The following GRM7 variants were observed in gnomAD, a reference collection of about 807,000 sequenced individuals.
GRM7 encodes the protein metabotropic glutamate receptor 7.
In GRM7, 35 loss-of-function variants were observed where a neutral mutation model predicts 84.5. The observed-to-expected ratio is 0.41, with a 90% confidence interval of 0.32 to 0.55. The LOEUF (loss-of-function observed/expected upper bound fraction) is 0.55. Among genes scored for constraint, GRM7 ranks in the 20% least tolerant of loss-of-function variants. The pLI is 0.19. For synonymous variants in GRM7, 487 were observed against 455.1 expected (o/e 1.07, Z -0.89); for missense variants, 1,003 against 1,194.6 (o/e 0.84, Z 2.36).
intron 5 of GRM7, among the ~76,000 whole-genome samples, chr3:7,423,431 A>G (rs183199587): frequency 2.0e-5 from 3 of 152,328 alleles, no homozygotes; most frequent in Admixed American, 1.3e-4. Context: ...TTCCTGAACT[A>G]GGGAAATTAA....
At chr3:7,618,447 G>T (rs1312169216) in intron 8 of GRM7, among the ~76,000 whole-genome samples, 1 of 152,026 alleles carries the variant, frequency 6.6e-6, no homozygotes, top group African/African-American at 2.4e-5. Context: ...ATGCCAAAAT[G>T]AACATTTAGT....
chr3:7,360,292 T>C (rs1198641113), intron 4 of GRM7, among the ~76,000 whole-genome samples: 1 of 147,708 alleles, frequency 6.8e-6, no homozygotes, highest in Non-Finnish European at 1.5e-5. Context: ...TGCAGAAAAT[T>C]GAAATCTATG....
chr3:7,044,765 G>A (rs1326203901), intron 1 of GRM7, among the ~76,000 whole-genome samples: 1 of 151,922 alleles, frequency 6.6e-6, no homozygotes, highest in African/African-American at 2.4e-5. Flanking sequence ...ACTGAGGCTG[G>A]GCAATTTCAG....
intron 2 of GRM7, among the ~76,000 whole-genome samples, chr3:7,205,810 G>A (rs2124830570): frequency 6.6e-6 from 1 of 152,284 alleles, no homozygotes; most frequent in Non-Finnish European, 1.5e-5. Context: ...AATGTGTATT[G>A]ATAATATGCT....
intron 1 of GRM7, among the ~76,000 whole-genome samples, chr3:6,921,132 A>G (rs1333863646): frequency 2.0e-5 from 3 of 152,106 alleles, no homozygotes; most frequent in African/African-American, 7.2e-5. Flanking sequence ...CTGCATCCCC[A>G]CTTTGGCTTA....
At chr3:7,616,366 C>T (rs1202352731) in intron 8 of GRM7, among the ~76,000 whole-genome samples, 2 of 152,116 alleles carry the variant, frequency 1.3e-5, no homozygotes, top group Admixed American at 1.3e-4. Context: ...CTACACCTAA[C>T]TTAGACTTAT....
At position 7,670,755 on chromosome 3, in the gene GRM7, C is replaced by T. The variant is rs564541934; in HGVS notation, c.2452-9294C>T. 4.5e-4 allele frequency among the ~76,000 whole-genome samples: 69 copies of T among 151,932 alleles called. 1 individual carries two copies. The highest frequency in any genetic ancestry group is 1.3e-3 in the African/African-American group (54 of 41,428). On this transcript the variant is annotated intron_variant, in intron 8 of 9. Coordinates refer to ENST00000357716, the MANE Select transcript of GRM7 (RefSeq NM_000844.4). ...AACTACTGGGTGACTTGTAAAGTAA[C>T]ACAGAACTTCATGGTGTATTACCCA...
At chr3:7,266,872 CTG>C (rs1698661073) in intron 2 of GRM7, among the ~76,000 whole-genome samples, 1 of 152,164 alleles carries the variant, frequency 6.6e-6, no homozygotes, top group Non-Finnish European at 1.5e-5. Flanking sequence ...AAGTTTTACT[CTG>C]TATTTAAATG....
chr3:6,996,429 G>A (rs1049505678), intron 1 of GRM7, among the ~76,000 whole-genome samples: 9 of 152,168 alleles, frequency 5.9e-5, no homozygotes, highest in Admixed American at 2.6e-4. Flanking sequence ...ACAAACGAAC[G>A]ATTTAGTTTT....
intron 1 of GRM7, among the ~76,000 whole-genome samples, chr3:6,973,762 G>A (rs1454857286): frequency 6.6e-6 from 1 of 152,196 alleles, no homozygotes; most frequent in East Asian, 1.9e-4. Flanking sequence ...AATAAAATGT[G>A]GTTTGAGTGC....
rs1698197027 is a variant in GRM7 at position 6,948,915 on chromosome 3, T to C, written c.519+87008T>C. ...GTGTTTTCCATTTGCTTGGTAGATCTTCCTCCATCCTTTTGTTTTGAGCTT... is the reference window on the plus strand; with the variant it reads ...GTGTTTTCCATTTGCTTGGTAGATCCTCCTCCATCCTTTTGTTTTGAGCTT... On this transcript the variant is annotated intron_variant, in intron 1 of 9. Transcript: ENST00000357716. 3.9e-5 allele frequency among the ~76,000 whole-genome samples: 6 copies of C among 152,364 alleles called. No homozygotes were observed. The South Asian group carries it at 1.2e-3, about 32-fold the overall frequency.
intron 2 of GRM7, among the ~76,000 whole-genome samples, chr3:7,243,494 G>A (rs1415789522): frequency 6.6e-6 from 1 of 151,992 alleles, no homozygotes; most frequent in Non-Finnish European, 1.5e-5. Flanking sequence ...CTACAATAAT[G>A]AGAGAGTTTT....
At chr3:6,901,604 TAAAAAAAAAAAAAAAAA>T (rs33945077) in intron 1 of GRM7, among the ~76,000 whole-genome samples, 9 of 40,500 alleles carry the variant, frequency 2.2e-4, no homozygotes, top group East Asian at 2.3e-3. Context: ...AGACTCCGTC[TAAAAAAAAAAAAAAAAA>T]AAAAAAAAAA....
intron 2 of GRM7, among the ~76,000 whole-genome samples, chr3:7,292,757 G>A (rs1215382350): frequency 4.7e-5 from 7 of 150,168 alleles, no homozygotes; most frequent in Non-Finnish European, 7.4e-5. Context: ...GAGGCTGGAC[G>A]CGGTGGCTCA....
chr3:7,209,718 G>GGTTT (rs1696357636), intron 2 of GRM7, among the ~76,000 whole-genome samples: 1 of 152,090 alleles, frequency 6.6e-6, no homozygotes, highest in African/African-American at 2.4e-5. Flanking sequence ...CTGAAGAGAA[G>GGTTT]GCATACAAAC....
intron 1 of GRM7, among the ~76,000 whole-genome samples, chr3:6,888,217 C>A (rs1256049418): frequency 1.3e-5 from 2 of 151,996 alleles, no homozygotes; most frequent in Admixed American, 6.5e-5. Context: ...TTTTGCTGTG[C>A]AGAAGCTCTT....
intron 7 of GRM7, among the ~76,000 whole-genome samples, chr3:7,542,186 GAGTA>G (rs1317995878): frequency 6.6e-6 from 1 of 152,142 alleles, no homozygotes; most frequent in East Asian, 1.9e-4. Context: ...GAAGTACTGG[GAGTA>G]AGTAATTCAA....
chr3:7,553,411 G>A (rs918577479), intron 7 of GRM7, among the ~76,000 whole-genome samples: 1 of 152,144 alleles, frequency 6.6e-6, no homozygotes, highest in African/African-American at 2.4e-5. Context: ...TTCCAAAGTT[G>A]CTTCCACAAT....
intron 1 of GRM7, among the ~76,000 whole-genome samples, chr3:6,867,702 A>C (rs1026484021): frequency 6.6e-6 from 1 of 152,208 alleles, no homozygotes; most frequent in Non-Finnish European, 1.5e-5. Flanking sequence ...TATGATCTCT[A>C]TGTAAAATGA....
Sources: allele counts gnomAD v4.1 joint callset (sites outside exome capture counted in the v4.1 genomes callset), GRCh38; gene constraint gnomAD v4.1.1; transcripts MANE v1.5; gene names NCBI Gene and HGNC (gene_info 2026-07-23, HGNC 2026-07-21).